WDR27: variants seen among roughly 807,000 people sequenced by gnomAD.
The protein encoded by WDR27 is WD repeat-containing protein 27.
A neutral mutation model predicts 114.4 loss-of-function variants in WDR27; 100 were observed. The observed-to-expected ratio is 0.87, with a 90% confidence interval of 0.74 to 1.03. WDR27 has a LOEUF of 1.03. WDR27 is among the 50% of genes least tolerant of loss of function. The pLI, the probability that WDR27 is intolerant of heterozygous loss-of-function variation, is 0.00. For missense variants in WDR27, 1,129 were observed against 1,092.9 expected, an observed-to-expected ratio of 1.03 and a Z score of -0.47; for synonymous variants, 449 against 423.1, an observed-to-expected ratio of 1.06 and a Z score of -0.75.
In WDR27 at chr6:169,684,391, T is replaced by G. The variant is rs1172625536; in HGVS notation, c.189+4426A>C. 2.0e-5 allele frequency among the ~76,000 whole-genome samples: 3 copies of G among 151,698 alleles called. No homozygotes were observed. The highest frequency in any genetic ancestry group is 7.3e-5 in the African/African-American group (3 of 41,226). ...TTCTGGGCTGCCCAATGTCCCCGAG[T>G]CTCCAATAAAGGCCTGAGAAACAGT... On this transcript the variant is annotated intron_variant, in intron 2 of 25. Coordinates refer to ENST00000448612, the MANE Select transcript of WDR27 (RefSeq NM_182552.5). The surrounding 1 kb of genome is among the most constrained non-coding windows in gnomAD (Gnocchi z 4.3).
At position 169,670,633 on chromosome 6, in the gene WDR27, A is replaced by C; in HGVS notation, c.392T>G (p.Leu131Trp). 1 of 1,614,006 alleles carries C rather than the reference A, an allele frequency of 6.2e-7. No homozygotes were observed. Among genetic ancestry groups the C allele is most frequent in the Non-Finnish European group, 8.5e-7 (1 of 1,179,888 alleles). ...SLLGKVLCLQ[L>W]SLDDHVVAVC... ...GGCAACAACATGATCATCCAGGCTCAACTGTAAACACAGCACCTTTCCCAA... is the reference window on the plus strand; with the variant it reads ...GGCAACAACATGATCATCCAGGCTCCACTGTAAACACAGCACCTTTCCCAA... Residue 131 changes from leucine (L) to tryptophan (W), a missense_variant, in exon 4 of 26, where the codon TTG becomes TGG. By Grantham distance (61) the Leu-to-Trp change is moderately conservative. Transcript: ENST00000448612.
intron 24 of WDR27, among the ~76,000 whole-genome samples, chr6:169,582,400 C>T (rs1562626925): frequency 6.6e-6 from 1 of 152,186 alleles, no homozygotes; most frequent in Non-Finnish European, 1.5e-5. Flanking sequence ...AAGAAAGTTT[C>T]TGGAAATGCT....
the WDR27 span, among the ~76,000 whole-genome samples, chr6:169,429,937 TG>T: frequency 6.6e-6 from 1 of 152,218 alleles, no homozygotes; most frequent in African/African-American, 2.4e-5. Flanking sequence ...CGGTGTGGTA[TG>T]GGTCCAAACA....
At chr6:169,474,652 T>C (rs1441902085) in intron 25 of WDR27, among the ~76,000 whole-genome samples, 1 of 151,898 alleles carries the variant, frequency 6.6e-6, no homozygotes, top group Non-Finnish European at 1.5e-5. Context: ...CTAATCCCGA[T>C]ATTCATTTAG....
chr6:169,638,668 G>A lies in WDR27; in HGVS notation c.1748-8C>T, dbSNP rs753893524. ...TCACTGCCCCGTCGTGACCTAACAGGAATGACCACAGAAGGTTACTATTTC... is the reference window on the plus strand; with the variant it reads ...TCACTGCCCCGTCGTGACCTAACAGAAATGACCACAGAAGGTTACTATTTC... On this transcript the variant is annotated splice_region_variant and splice_polypyrimidine_tract_variant and intron_variant, in intron 17 of 25. Transcript: ENST00000448612. The A allele has an allele frequency of 1.3e-6, 2 of 1,596,772 alleles. No homozygotes were observed. The highest frequency in any genetic ancestry group is 4.5e-5 in the East Asian group (2 of 44,022).
chr6:169,658,196 G>A (rs1166042254), intron 13 of WDR27, 80 bp downstream of exon 13: 3 of 1,122,148 alleles, frequency 2.7e-6, no homozygotes, highest in African/African-American at 3.1e-5. Flanking sequence ...ATAAGAATTC[G>A]CAAAGCAATG....
chr6:169,667,356 A>T, intron 5 of WDR27, 169 bp from the exon 6 acceptor site: 1 of 1,230,376 alleles, frequency 8.1e-7, no homozygotes, highest in Non-Finnish European at 1.0e-6. Flanking sequence ...ACACCATAAA[A>T]TATGTCAGAA....
intron 1 of WDR27, among the ~76,000 whole-genome samples, chr6:169,697,507 T>C (rs1374541990): frequency 6.6e-6 from 1 of 152,198 alleles, no homozygotes; most frequent in Admixed American, 6.5e-5. Context: ...TCAGTCAGGC[T>C]CGCCCACTGT....
the WDR27 span, among the ~76,000 whole-genome samples, chr6:169,451,475 TTG>T: frequency 6.6e-6 from 1 of 152,356 alleles, no homozygotes; most frequent in East Asian, 1.9e-4. Flanking sequence ...TTATTGAGAC[TTG>T]TCTCAGATAC....
At chr6:169,658,381 G>T (rs941227691) in intron 12 of WDR27, 23 bp from the exon 13 acceptor site, 5 of 1,555,156 alleles carry the variant, frequency 3.2e-6, no homozygotes, top group African/African-American at 1.4e-5. Context: ...CAAGCCCCAT[G>T]AAACTAGGAG....
chr6:169,683,800 C>A (rs994677975), intron 2 of WDR27, among the ~76,000 whole-genome samples: 3 of 152,204 alleles, frequency 2.0e-5, no homozygotes, highest in Admixed American at 1.3e-4. Flanking sequence ...GAAGTCTTTA[C>A]AACAGGAGAA....
chr6:169,531,653 TTG>T (rs1381256512), intron 25 of WDR27, among the ~76,000 whole-genome samples: 36 of 72,286 alleles, frequency 5.0e-4, no homozygotes, highest in African/African-American at 1.9e-3. Flanking sequence ...ATTAAACAGT[TTG>T]TTTTTTTTTT....
At chr6:169,646,639 G>A (rs961636300) in intron 16 of WDR27, among the ~76,000 whole-genome samples, 21 of 151,828 alleles carry the variant, frequency 1.4e-4, no homozygotes, top group African/African-American at 4.1e-4. Context: ...TCCTAGCTAC[G>A]CGTGACGCTG....
At chr6:169,448,356 C>T in the WDR27 span, among the ~76,000 whole-genome samples, 2 of 147,582 alleles carry the variant, frequency 1.4e-5, no homozygotes, top group South Asian at 4.3e-4. Flanking sequence ...TGTTGATTTT[C>T]TCTCTCTCTC....
intron 25 of WDR27, among the ~76,000 whole-genome samples, chr6:169,490,945 T>A (rs929629332): frequency 3.9e-5 from 6 of 152,044 alleles, no homozygotes; most frequent in Non-Finnish European, 8.8e-5. Flanking sequence ...TGACCCCCAA[T>A]GCCACACCCT....
chr6:169,579,969 T>C (rs1803100563), intron 24 of WDR27, among the ~76,000 whole-genome samples: 1 of 152,234 alleles, frequency 6.6e-6, no homozygotes, highest in Admixed American at 6.5e-5. Flanking sequence ...CAGTTGATCA[T>C]AGTCAATAAA....
chr6:169,465,412 G>C (rs1403632498), intron 25 of WDR27, among the ~76,000 whole-genome samples: 3 of 152,184 alleles, frequency 2.0e-5, no homozygotes, highest in Non-Finnish European at 2.9e-5. Context: ...CAGTGAGGCT[G>C]TGGAGAAAGT....
chr6:169,680,819 CAG>C (rs1321658597), intron 2 of WDR27, among the ~76,000 whole-genome samples: 1 of 152,178 alleles, frequency 6.6e-6, no homozygotes, highest in Non-Finnish European at 1.5e-5. Flanking sequence ...GATCAAAAAA[CAG>C]TATCACTTTA....
In WDR27 at chr6:169,664,161, C is replaced by G. The variant is rs1827125406; in HGVS notation, c.904+5G>C. On this transcript the variant is annotated splice_donor_5th_base_variant and intron_variant, in intron 8 of 25. Transcript: ENST00000448612. ...GAGGCCTGAGGGAGGGTCTGAGCAA[C>G]CCACCTGGCTGGCTGCACAGCCCAG... The G allele has an allele frequency of 6.3e-7, 1 of 1,580,140 alleles. No individual in the cohort carries two copies. The highest frequency in any genetic ancestry group is 1.4e-5 in the African/African-American group (1 of 74,002).
Sources: allele counts gnomAD v4.1 joint callset (sites outside exome capture counted in the v4.1 genomes callset), GRCh38; gene constraint gnomAD v4.1.1; non-coding constraint Gnocchi (gnomAD v3.1); transcripts MANE v1.5; gene names NCBI Gene and HGNC (gene_info 2026-07-23, HGNC 2026-07-21).